ESCO2: variants seen among roughly 807,000 people sequenced by gnomAD.
ESCO2 encodes the protein N-acetyltransferase ESCO2.
ESCO2 carries 51 observed loss-of-function variants against 61.7 expected under a neutral mutation model. The ratio of observed to expected loss-of-function variants is 0.83; its 90% CI spans 0.66 to 1.04. The LOEUF (loss-of-function observed/expected upper bound fraction) is 1.04. Among genes scored for constraint, ESCO2 ranks in the 50% least tolerant of loss-of-function variants. The pLI, the probability that ESCO2 is intolerant of heterozygous loss-of-function variation, is 0.00. For missense variants in ESCO2, 692 were observed against 686.2 expected, an observed-to-expected ratio of 1.01 and a Z score of -0.09; for synonymous variants, 230 against 238.2, an observed-to-expected ratio of 0.97 and a Z score of 0.32.
chr8:27,795,292 C>T (rs565274753), intron 9 of ESCO2, among the ~76,000 whole-genome samples: 3 of 152,122 alleles, frequency 2.0e-5, no homozygotes, highest in African/African-American at 7.2e-5. Context: ...AGTGGATTGT[C>T]TTCTTGACTT....
chr8:27,809,268 T>A (rs1305402346), downstream of ESCO2, among the ~76,000 whole-genome samples: 1 of 152,236 alleles, frequency 6.6e-6, no homozygotes, highest in Non-Finnish European at 1.5e-5. Context: ...TTTGATGGAA[T>A]ATATGCAAAT....
chr8:27,791,970 A>G lies in ESCO2; in HGVS notation c.1271A>G (p.Lys424Arg). The change falls in exon 8 of 11, where the codon AAG (lysine) becomes AGG (arginine). Residue 424 changes from lysine (K) to arginine (R), a missense_variant. Lys to Arg is a conservative substitution (Grantham distance 26). Transcript: ENST00000305188. ...TTTGTTTTCCTTTGGCAGGGTTGGA[A>G]GAAAGAACGTGTAGTAGCAGAGTTT... ...FLEGIKYVGWKKERVVAEFWD... is the reference protein window; with the variant it reads ...FLEGIKYVGWRKERVVAEFWD... 1 of 1,614,090 alleles carries G rather than the reference A, an allele frequency of 6.2e-7. No homozygotes were observed. The highest frequency in any genetic ancestry group is 1.1e-5 in the South Asian group (1 of 91,086).
chr8:27,817,661 C>T, the ESCO2 span, among the ~76,000 whole-genome samples: 1 of 152,048 alleles, frequency 6.6e-6, no homozygotes, highest in East Asian at 1.9e-4. Flanking sequence ...TGCCTAATTA[C>T]TCAATTACTT....
chr8:27,776,257 T>G (rs1329183370), intron 2 of ESCO2, 105 bp from the exon 3 acceptor site: 7 of 855,184 alleles, frequency 8.2e-6, no homozygotes, highest in Non-Finnish European at 1.3e-5. Flanking sequence ...GGGGGGTACA[T>G]GTATTGTTTT....
intron 1 of ESCO2, chr8:27,774,841 T>C (rs1348397148): frequency 6.6e-6 from 1 of 152,404 alleles, no homozygotes; most frequent in East Asian, 1.9e-4. Flanking sequence ...TGTTTGTTTG[T>C]TTGTTTCCCT....
chr8:27,807,799 T>C (rs1805592500), downstream of ESCO2, among the ~76,000 whole-genome samples: 1 of 152,194 alleles, frequency 6.6e-6, no homozygotes, highest in Non-Finnish European at 1.5e-5. Flanking sequence ...CCCAAGATGA[T>C]GTAATACCAT....
In ESCO2 at chr8:27,788,907, G is replaced by A. The variant is rs1805110740; in HGVS notation, c.1192G>A (p.Ala398Thr). ...CAAGTCTTGTGGTATGATATATACTGCTTCCAACCCTGAAGATGAAATGCA... is the reference window on the plus strand; with the variant it reads ...CAAGTCTTGTGGTATGATATATACTACTTCCAACCCTGAAGATGAAATGCA... ...VCKSCGMIYT[A>T]SNPEDEMQHV... The change falls in exon 7 of 11, where the codon GCT becomes ACT. Residue 398 changes from alanine (A) to threonine (T), a missense_variant. Coordinates refer to ENST00000305188, the MANE Select transcript of ESCO2 (RefSeq NM_001017420.3). 11 of 1,613,968 alleles carry A rather than the reference G, an allele frequency of 6.8e-6. No homozygotes were observed. The highest frequency in any genetic ancestry group is 9.3e-6 in the Non-Finnish European group (11 of 1,180,014).
downstream of ESCO2, among the ~76,000 whole-genome samples, chr8:27,808,788 G>C (rs762999038): frequency 8.6e-5 from 13 of 151,450 alleles, no homozygotes; most frequent in Non-Finnish European, 1.8e-4. Flanking sequence ...GCAAGTTCTA[G>C]AACAAGAATA....
At chr8:27,799,083 C>T (rs1040979322) in intron 9 of ESCO2, among the ~76,000 whole-genome samples, 2 of 152,104 alleles carry the variant, frequency 1.3e-5, no homozygotes, top group African/African-American at 2.4e-5. Flanking sequence ...GGGAAGGATA[C>T]ATGCTCCTCT....
At chr8:27,774,200 C>T (rs937207103), upstream of ESCO2, among the ~76,000 whole-genome samples, 3 of 149,930 alleles carry the variant, frequency 2.0e-5, no homozygotes, top group African/African-American at 7.5e-5. Context: ...ATTTTTGAGA[C>T]GGAGTCTTGC....
At chr8:27,782,996 A>C (rs545546415) in intron 4 of ESCO2, among the ~76,000 whole-genome samples, 4 of 150,960 alleles carry the variant, frequency 2.6e-5, no homozygotes, top group African/African-American at 9.7e-5. Context: ...TTTTTTTCTC[A>C]TTTGATGTAC....
Position 27,804,864 on chromosome 8 carries a change from C to A in ESCO2, c.*1426C>A. 1.5e-6 allele frequency: 1 copy of A among 657,924 alleles called. No individual in the cohort carries two copies. Among genetic ancestry groups the A allele is most frequent in the Non-Finnish European group, 1.9e-6 (1 of 531,042 alleles). 40.8% of individuals were successfully genotyped at this position (657,924 alleles called of 1,614,324 possible). On this transcript the variant is annotated 3_prime_UTR_variant, in exon 11 of 11. Transcript: ENST00000305188. ...TAATTAACATTTTGTTTGCTTAATG[C>A]TTTTGTTATGAATCAATTAAAATTC...
Position 27,803,742 on chromosome 8 carries a change from A to AAAC in ESCO2, c.*305_*306insACA, listed in dbSNP as rs1278554877. ...ACTGGAAAATTACCTGACTCTTTGT[A>AAAC]AGAGTATTAAATACAAAGTGATTTT... On this transcript the variant is annotated 3_prime_UTR_variant, in exon 11 of 11. Transcript: ENST00000305188. 2 of 1,135,898 alleles carry AAAC rather than the reference A, an allele frequency of 1.8e-6. No individual in the cohort carries two copies. The highest frequency in any genetic ancestry group is 3.3e-5 in the African/African-American group (2 of 60,992). The allele number at this position is 1,135,898 out of a possible 1,614,324, so 70.4% of individuals were successfully genotyped here.
intron 4 of ESCO2, among the ~76,000 whole-genome samples, chr8:27,781,163 A>G (rs1804919354): frequency 1.3e-5 from 2 of 152,236 alleles, no homozygotes; most frequent in Non-Finnish European, 2.9e-5. Context: ...TTTATTACTT[A>G]ATAACTACAG....
rs746778204 is a variant in ESCO2, at chr8:27,775,576, C to G, written c.53+9C>G. The G allele has an allele frequency of 1.2e-6, 2 of 1,613,684 alleles. No individual in the cohort carries two copies. The highest frequency in any genetic ancestry group is 3.3e-5 in the Admixed American group (2 of 60,034). ...TCTTTGAAGTGTGACAGGTGAATCTCAGCCTGTGAATAGAAACTCTTAGAA... is the reference window on the plus strand; with the variant it reads ...TCTTTGAAGTGTGACAGGTGAATCTGAGCCTGTGAATAGAAACTCTTAGAA... On this transcript the variant is annotated intron_variant, in intron 2 of 10. Coordinates refer to ENST00000305188, the MANE Select transcript of ESCO2 (RefSeq NM_001017420.3).
At chr8:27,806,847 C>G (rs1805573618), downstream of ESCO2, among the ~76,000 whole-genome samples, 1 of 152,126 alleles carries the variant, frequency 6.6e-6, no homozygotes, top group African/African-American at 2.4e-5. Flanking sequence ...AACTCTTGAC[C>G]TCCAATAATC....
At chr8:27,789,003 T>G in intron 7 of ESCO2, 25 bp downstream of exon 7, 1 of 1,613,790 alleles carries the variant, frequency 6.2e-7, no homozygotes. Context: ...AGTCTTTCAG[T>G]TTGTTCTAGA....
intron 10 of ESCO2, among the ~76,000 whole-genome samples, chr8:27,802,656 T>TATTA (rs1491490850): frequency 2.0e-4 from 13 of 63,554 alleles, no homozygotes; most frequent in African/African-American, 6.2e-4. Flanking sequence ...TATATATATA[T>TATTA]TATATATATA....
downstream of ESCO2, among the ~76,000 whole-genome samples, chr8:27,805,486 GTTGTC>G (rs1805546963): frequency 6.6e-6 from 1 of 151,966 alleles, no homozygotes; most frequent in Non-Finnish European, 1.5e-5. Flanking sequence ...TATTGATACT[GTTGTC>G]TTGGTTGGGT....
Sources: gnomAD v4.1 joint callset for allele counts (sites outside exome capture counted in the v4.1 genomes callset) on GRCh38, gnomAD v4.1.1 for gene constraint, MANE v1.5 for transcripts, NCBI Gene and HGNC (gene_info 2026-07-23, HGNC 2026-07-21) for gene names.